AUTS2: variants seen among roughly 807,000 people sequenced by gnomAD.
The protein encoded by AUTS2 is activator of transcription and developmental regulator AUTS2, also known as autism susceptibility gene 2 protein.
In AUTS2, 17 loss-of-function variants were observed where a neutral mutation model predicts 112.4. The ratio of observed to expected loss-of-function variants is 0.15; its 90% CI spans 0.10 to 0.23. The LOEUF (loss-of-function observed/expected upper bound fraction) is 0.23. AUTS2 is among the 10% of genes least tolerant of loss of function. The pLI, the probability that AUTS2 is intolerant of heterozygous loss-of-function variation, is 1.00. For missense variants in AUTS2, 1,510 were observed against 1,701.6 expected (o/e 0.89, Z 1.98); for synonymous variants, 751 against 702.7 (o/e 1.07, Z -1.09).
chr7:70,575,124 C>G (rs1304454847), intron 5 of AUTS2, among the ~76,000 whole-genome samples: 2 of 152,230 alleles, frequency 1.3e-5, no homozygotes, highest in Non-Finnish European at 2.9e-5. Context: ...AAAACGCTCG[C>G]AGAGACCTAG....
At chr7:70,383,156 A>AT (rs533120378) in intron 4 of AUTS2, among the ~76,000 whole-genome samples, 188 of 147,324 alleles carry the variant, frequency 1.3e-3, no homozygotes, top group African/African-American at 3.7e-3. Context: ...TTTGTTGTTG[A>AT]TTTTTTTTTT....
chr7:70,142,207 G>A (rs542138038), intron 4 of AUTS2, among the ~76,000 whole-genome samples: 5 of 152,260 alleles, frequency 3.3e-5, no homozygotes, highest in South Asian at 2.1e-4. Context: ...GCCCTCAGCC[G>A]TTATCTCTCT....
intron 5 of AUTS2, among the ~76,000 whole-genome samples, chr7:70,672,552 A>G (rs1278770353): frequency 6.6e-6 from 1 of 152,142 alleles, no homozygotes; most frequent in East Asian, 1.9e-4. Flanking sequence ...GGGCAGCTGA[A>G]TAGATAATAG....
intron 2 of AUTS2, among the ~76,000 whole-genome samples, chr7:70,061,647 A>G (rs1802249415): frequency 1.3e-5 from 2 of 152,210 alleles, no homozygotes; most frequent in South Asian, 4.1e-4. Context: ...TCTGCTAAGT[A>G]CTATATAGAC....
intron 2 of AUTS2, among the ~76,000 whole-genome samples, chr7:70,029,078 G>T (rs2129556255): frequency 6.6e-6 from 1 of 152,224 alleles, no homozygotes; most frequent in East Asian, 1.9e-4. Context: ...TGACGGGCTG[G>T]AATCTCAGCC....
At chr7:70,665,451 C>CTATTTATCTATTTATCTATTTATT (rs1554455006) in intron 5 of AUTS2, among the ~76,000 whole-genome samples, 2 of 147,016 alleles carry the variant, frequency 1.4e-5, no homozygotes, top group African/African-American at 5.1e-5. Flanking sequence ...ATCTATTTAT[C>CTATTTATCTATTTATCTATTTATT]TATTTATTTA....
chr7:70,246,456 T>A (rs1026550247), intron 4 of AUTS2, among the ~76,000 whole-genome samples: 1 of 152,116 alleles, frequency 6.6e-6, no homozygotes, highest in East Asian at 1.9e-4. Context: ...ATTTTAAAAG[T>A]TTCTTCATCT....
At chr7:70,062,523 A>C (rs1213228277) in intron 2 of AUTS2, among the ~76,000 whole-genome samples, 1 of 152,018 alleles carries the variant, frequency 6.6e-6, no homozygotes, top group African/African-American at 2.4e-5. Context: ...AAAAAAAAAA[A>C]AAAAGGAAGA....
chr7:70,617,390 C>T (rs1452772627), intron 5 of AUTS2, among the ~76,000 whole-genome samples: 1 of 152,180 alleles, frequency 6.6e-6, no homozygotes, highest in Non-Finnish European at 1.5e-5. Flanking sequence ...TGGCCGGGCT[C>T]AGTGGCTCAT....
At chr7:70,411,691 G>A (rs1421448252) in intron 4 of AUTS2, among the ~76,000 whole-genome samples, 3 of 152,124 alleles carry the variant, frequency 2.0e-5, no homozygotes, top group African/African-American at 7.2e-5. Context: ...TTTTCACAGT[G>A]TTAATGGATG....
chr7:70,571,405 G>A (rs1223167250), intron 5 of AUTS2, among the ~76,000 whole-genome samples: 1 of 152,170 alleles, frequency 6.6e-6, no homozygotes, highest in East Asian at 1.9e-4. Flanking sequence ...ACCTAGCTGT[G>A]CCATATAACT....
At chr7:70,037,397 C>T (rs1283400254) in intron 2 of AUTS2, among the ~76,000 whole-genome samples, 1 of 152,172 alleles carries the variant, frequency 6.6e-6, no homozygotes, top group Non-Finnish European at 1.5e-5. Context: ...GCTCTTGCCA[C>T]AGGCAGGAAA....
intron 1 of AUTS2, among the ~76,000 whole-genome samples, chr7:69,871,625 C>G (rs896636166): frequency 6.6e-6 from 1 of 152,176 alleles, no homozygotes; most frequent in African/African-American, 2.4e-5. Context: ...TTACTGTACT[C>G]TACTCACCCT....
rs139437683 is a variant in AUTS2, at chr7:70,665,048, G to A, written c.691-33521G>A. 2.7e-4 allele frequency among the ~76,000 whole-genome samples: 41 copies of A among 152,156 alleles called. 1 individual carries two copies. In the East Asian group the frequency reaches 8.0e-3, roughly 30 times the overall value. ...TGATTGCACCACTGCACTCCAGCCTGAGCGACAGAGAGAGACCCTGTCTCA... is the reference window on the plus strand; with the variant it reads ...TGATTGCACCACTGCACTCCAGCCTAAGCGACAGAGAGAGACCCTGTCTCA... On this transcript the variant is annotated intron_variant, in intron 5 of 18. Transcript: ENST00000342771.
intron 5 of AUTS2, among the ~76,000 whole-genome samples, chr7:70,522,826 T>C (rs1043115142): frequency 1.5e-4 from 23 of 152,296 alleles, no homozygotes; most frequent in Admixed American, 1.4e-3. Context: ...TGCCCAGTAA[T>C]GAGATTACTG....
Position 69,707,018 on chromosome 7 carries a change from C to G in AUTS2, c.309+107056C>G, listed in dbSNP as rs1798088209. 2.0e-5 allele frequency among the ~76,000 whole-genome samples: 3 copies of G among 152,186 alleles called. No individual in the cohort carries two copies. The South Asian group carries it at 6.2e-4, about 31-fold the overall frequency. ...TTGCAACCTCTGATGCTTCTCTTTT[C>G]TTGGAATTTTTCATTTCCTTTGCCT... On this transcript the variant is annotated intron_variant, in intron 1 of 18. Transcript: ENST00000342771.
At chr7:70,744,554 C>G (rs1348272761) in intron 6 of AUTS2, among the ~76,000 whole-genome samples, 1 of 152,188 alleles carries the variant, frequency 6.6e-6, no homozygotes, top group Non-Finnish European at 1.5e-5. Flanking sequence ...TAAAGTCAGT[C>G]TGTATTGATT....
At chr7:70,759,262 T>G (rs1372172873) in intron 6 of AUTS2, among the ~76,000 whole-genome samples, 2 of 152,196 alleles carry the variant, frequency 1.3e-5, no homozygotes, top group Non-Finnish European at 2.9e-5. Context: ...CCTTCTGGTT[T>G]ACAAAACAAG....
intron 1 of AUTS2, among the ~76,000 whole-genome samples, chr7:69,797,502 T>G (rs1328385077): frequency 6.6e-6 from 1 of 152,152 alleles, no homozygotes; most frequent in Non-Finnish European, 1.5e-5. Context: ...AAATTCACAT[T>G]AAAGAGAGTT....
Sources: gnomAD v4.1 joint callset for allele counts (sites outside exome capture counted in the v4.1 genomes callset) on GRCh38, gnomAD v4.1.1 for gene constraint, MANE v1.5 for transcripts, NCBI Gene and HGNC (gene_info 2026-07-23, HGNC 2026-07-21) for gene names.